RGS3: variants seen among roughly 807,000 people sequenced by gnomAD.
The protein encoded by RGS3 is regulator of G-protein signalling 3.
Under a neutral mutation model 132.6 loss-of-function variants are expected in RGS3, and 80 were observed. The observed-to-expected ratio is 0.60, with a 90% CI of 0.50 to 0.73. RGS3 has a LOEUF of 0.73. Among genes scored for constraint, RGS3 ranks in the 30% least tolerant of loss-of-function variants. The pLI is 0.00. For missense variants in RGS3, 1,382 were observed against 1,530.8 expected, an observed-to-expected ratio of 0.90 and a Z score of 1.62; for synonymous variants, 598 against 620.6, an observed-to-expected ratio of 0.96 and a Z score of 0.54.
intron 20 of RGS3, among the ~76,000 whole-genome samples, chr9:113,585,394 C>A (rs780411392): frequency 2.0e-5 from 3 of 152,238 alleles, no homozygotes; most frequent in African/African-American, 7.2e-5. Context: ...TAACACTAGC[C>A]GCTTGAGAGG....
At chr9:113,487,128 G>A (rs1358169492) in intron 7 of RGS3, among the ~76,000 whole-genome samples, 8 of 138,412 alleles carry the variant, frequency 5.8e-5, no homozygotes, top group Admixed American at 1.5e-4. Context: ...TTTTTGAGAC[G>A]GAGTCTCGCT....
intron 16 of RGS3, 36 bp downstream of exon 14, chr9:113,517,660 TG>T: frequency 6.5e-7 from 1 of 1,543,624 alleles, no homozygotes; most frequent in African/African-American, 1.4e-5. Context: ...GGGGGCTTTC[TG>T]GGTGGGCTTC....
At position 113,507,431 on chromosome 9, in the gene RGS3, C is replaced by T. The variant is rs1379214177; in HGVS notation, c.1230C>T (p.Cys410=). Residue 410 remains cysteine, a synonymous_variant, in exon 13 of 25, where the codon TGC becomes TGT. Coordinates refer to ENST00000350696, the Ensembl canonical transcript of RGS3. The surrounding 1 kb of genome is among the most constrained non-coding windows in gnomAD (Gnocchi z 5.0). ...CCCCCAACAAACGGGAGAAGAACTGCACCCATGGGGTCCAGGCACGGCCTG... is the reference window on the plus strand; with the variant it reads ...CCCCCAACAAACGGGAGAAGAACTGTACCCATGGGGTCCAGGCACGGCCTG... 6 of 1,613,964 alleles carry T rather than the reference C, an allele frequency of 3.7e-6. No individual in the cohort carries two copies. The highest frequency in any genetic ancestry group is 5.1e-6 in the Non-Finnish European group (6 of 1,180,030).
chr9:113,571,221 C>G (rs371889226), intron 19 of RGS3, among the ~76,000 whole-genome samples: 20 of 152,168 alleles, frequency 1.3e-4, no homozygotes, highest in Non-Finnish European at 2.4e-4. Flanking sequence ...TATTCTTGTA[C>G]TTATCTTTTG....
chr9:113,513,013 A>G lies in RGS3; in HGVS notation c.1478-1445A>G, dbSNP rs371103820. Among the ~76,000 whole-genome samples the G allele has an allele frequency of 2.3e-3, 352 of 152,256 alleles. 15 individuals are homozygous for G. The South Asian group carries it at 0.07, about 30-fold the overall frequency. ...GGAGTTCGAGACCAGCCTGACCAAC[A>G]TGGAGAAACTGTGTCTCTACTAAAA... On this transcript the variant is annotated intron_variant, in intron 14 of 24. Coordinates refer to ENST00000350696, the Ensembl canonical transcript of RGS3.
At chr9:113,514,002 C>T (rs532816503) in intron 14 of RGS3, among the ~76,000 whole-genome samples, 4 of 152,244 alleles carry the variant, frequency 2.6e-5, no homozygotes, top group African/African-American at 4.8e-5. Context: ...AAGGAGAGCG[C>T]GTACCCTGCC....
intron 3 of RGS3, among the ~76,000 whole-genome samples, chr9:113,477,374 C>T (rs147766823): frequency 1.6e-4 from 24 of 152,206 alleles, no homozygotes; most frequent in Non-Finnish European, 3.2e-4. Flanking sequence ...ACGGGCTGGA[C>T]CAGGGTTTGC....
upstream of RGS3, among the ~76,000 whole-genome samples, chr9:113,458,513 T>G (rs1290037066): frequency 6.6e-6 from 1 of 152,232 alleles, no homozygotes; most frequent in Non-Finnish European, 1.5e-5. Flanking sequence ...ACATTTATAT[T>G]CATAAGTCAG....
intron 19 of RGS3, among the ~76,000 whole-genome samples, chr9:113,563,486 A>G (rs1284975789): frequency 6.6e-6 from 1 of 152,158 alleles, no homozygotes; most frequent in Non-Finnish European, 1.5e-5. Context: ...CACACCAGAA[A>G]TTCCATCCTA....
At chr9:113,541,778 AC>A in intron 19 of RGS3, 1 of 1,007,922 alleles carries the variant, frequency 9.9e-7, no homozygotes, top group African/African-American at 1.7e-5. Context: ...GGGAGAGGTC[AC>A]CCTGATGAAG....
At chr9:113,474,460 G>A (rs1222229082) in intron 3 of RGS3, among the ~76,000 whole-genome samples, 1 of 152,194 alleles carries the variant, frequency 6.6e-6, no homozygotes, top group African/African-American at 2.4e-5. Context: ...AGTGAAATTG[G>A]TAAACACATG....
At position 113,529,257 on chromosome 9, in the gene RGS3, TAGCAGAGGTG is replaced by T; in HGVS notation, c.1910_1914+5del. On this transcript the variant is annotated splice_donor_variant and splice_donor_region_variant and coding_sequence_variant and intron_variant, in exon 18 of 25. Transcript: ENST00000350696. LOFTEE classifies it high-confidence loss of function. The stretch of plus-strand genomic sequence containing the variant: ...GACCTGAAATTCTGCGTGCTCTATC[TAGCAGAGGTG>T]AGTCCTTTCCTCTGGATTTGAGGAG... The T allele has an allele frequency of 6.2e-7, 1 of 1,612,632 alleles. No individual in the cohort carries two copies. The highest frequency in any genetic ancestry group is 8.5e-7 in the Non-Finnish European group (1 of 1,178,572).
chr9:113,514,759 C>G (rs1831569839), intron 15 of RGS3, 105 bp downstream of exon 13: 3 of 1,103,654 alleles, frequency 2.7e-6, no homozygotes, highest in Non-Finnish European at 3.9e-6. Flanking sequence ...GACTGAGGGC[C>G]CTGTTTTGGG....
chr9:113,487,519 C>T (rs1830379041), intron 7 of RGS3, among the ~76,000 whole-genome samples: 3 of 152,208 alleles, frequency 2.0e-5, no homozygotes, highest in South Asian at 4.1e-4. Flanking sequence ...TAAGGTCATA[C>T]AGCCAGTTAA....
intron 19 of RGS3, among the ~76,000 whole-genome samples, chr9:113,559,039 G>A (rs1019283761): frequency 2.0e-5 from 3 of 152,236 alleles, no homozygotes; most frequent in African/African-American, 7.2e-5. Context: ...AGCAAAGTTA[G>A]CATTTCAGTC....
rs372294963 is a variant in RGS3 at position 113,595,503 on chromosome 9, C to T, written c.3245-96C>T. 1,439 of 1,369,188 alleles carry T rather than the reference C, an allele frequency of 1.1e-3. 24 individuals carry two copies. The South Asian group carries it at 0.018, about 17-fold the overall frequency. The allele number at this position is 1,369,188 out of a possible 1,614,324, so 84.8% of individuals were successfully genotyped here. ...CGGGCATTGTACTCAGCTCCCAGCA[C>T]GCCCATCTTTAAAGTCCTGTAGGGG... On this transcript the variant is annotated intron_variant, in intron 23 of 24. Transcript: ENST00000350696.
At chr9:113,546,852 A>G (rs1256544118) in intron 19 of RGS3, among the ~76,000 whole-genome samples, 1 of 152,194 alleles carries the variant, frequency 6.6e-6, no homozygotes. Context: ...AGAGAAAACC[A>G]GCGAGTGATT....
chr9:113,536,418 G>A (rs1456686386), intron 18 of RGS3: 11 of 925,202 alleles, frequency 1.2e-5, no homozygotes, highest in Non-Finnish European at 1.4e-5. Flanking sequence ...GCTCCACAGA[G>A]AATCAGCCTG....
intron 1 of RGS3, among the ~76,000 whole-genome samples, chr9:113,452,237 A>T (rs900800501): frequency 6.6e-6 from 1 of 152,062 alleles, no homozygotes; most frequent in African/African-American, 2.4e-5. Flanking sequence ...AGCCATCCTC[A>T]AACCATCCCT....
Sources: gnomAD v4.1 joint callset for allele counts (sites outside exome capture counted in the v4.1 genomes callset) on GRCh38, gnomAD v4.1.1 for gene constraint, Gnocchi (gnomAD v3.1) non-coding constraint, MANE v1.5 for transcripts, NCBI Gene and HGNC (gene_info 2026-07-23, HGNC 2026-07-21) for gene names.